Variants in RTN3 observed in about 807,000 individuals in gnomAD.
The protein encoded by RTN3 is reticulon-3.
Under a neutral mutation model 77.8 loss-of-function variants are expected in RTN3, and 49 were observed. The ratio of observed to expected loss-of-function variants is 0.63; its 90% confidence interval spans 0.50 to 0.80. The LOEUF is 0.80. Among genes scored for constraint, RTN3 ranks in the 30% least tolerant of loss-of-function variants. RTN3 has a pLI of 0.00. For missense variants in RTN3, 1,236 were observed against 1,211.9 expected (o/e 1.02, Z -0.29); for synonymous variants, 464 against 446.9 (o/e 1.04, Z -0.48).
chr11:63,713,125 G>T (rs2011212813), intron 2 of RTN3, among the ~76,000 whole-genome samples: 1 of 152,042 alleles, frequency 6.6e-6, no homozygotes, highest in South Asian at 2.1e-4. Flanking sequence ...TTTTATTTGG[G>T]TCTAAAAATT....
chr11:63,753,579 G>A, intron 6 of RTN3, 83 bp from the exon 7 acceptor site: 1 of 1,287,670 alleles, frequency 7.8e-7, no homozygotes, highest in Non-Finnish European at 1.1e-6. Flanking sequence ...ATTTTTTGAG[G>A]AAAAATGTAT....
At chr11:63,707,191 G>T (rs919203349) in intron 2 of RTN3, among the ~76,000 whole-genome samples, 1 of 152,030 alleles carries the variant, frequency 6.6e-6, no homozygotes, top group South Asian at 2.1e-4. Context: ...GAGTCACGTC[G>T]CCAGGCCAAG....
At chr11:63,735,189 CTTG>C (rs1209506744) in intron 3 of RTN3, among the ~76,000 whole-genome samples, 1 of 152,128 alleles carries the variant, frequency 6.6e-6, no homozygotes, top group African/African-American at 2.4e-5. Context: ...AGGGTTTCAT[CTTG>C]TTGCCCAGGC....
At chr11:63,692,948 A>G (rs1352037243) in intron 1 of RTN3, among the ~76,000 whole-genome samples, 1 of 152,148 alleles carries the variant, frequency 6.6e-6, no homozygotes, top group Non-Finnish European at 1.5e-5. Context: ...TGAGAAAGAA[A>G]AAAAGAGAGA....
chr11:63,740,603 T>C (rs931973667), intron 3 of RTN3, among the ~76,000 whole-genome samples: 10 of 151,594 alleles, frequency 6.6e-5, no homozygotes, highest in African/African-American at 2.2e-4. Context: ...GGCCTTTTTT[T>C]TTCTTTTAAT....
intron 2 of RTN3, chr11:63,714,279 A>T: frequency 2.9e-6 from 1 of 345,822 alleles, no homozygotes; most frequent in South Asian, 2.3e-5. Context: ...ACATGTGGGA[A>T]AGCTTGATTG....
At chr11:63,695,753 A>G (rs1243173570) in intron 1 of RTN3, among the ~76,000 whole-genome samples, 1 of 152,224 alleles carries the variant, frequency 6.6e-6, no homozygotes. Flanking sequence ...AAAACTGTCA[A>G]GAGAAGTCTG....
At chr11:63,702,410 GT>G (rs1285973603) in intron 1 of RTN3, among the ~76,000 whole-genome samples, 1 of 151,342 alleles carries the variant, frequency 6.6e-6, no homozygotes, top group Non-Finnish European at 1.5e-5. Context: ...TGCCACCCGG[GT>G]TCAAGTGATT....
rs35837590 is a variant in RTN3, at chr11:63,683,943, C to CTTT, written c.142+2192_142+2194dup. 8.1e-4 allele frequency among the ~76,000 whole-genome samples: 48 copies of CTTT among 58,950 alleles called. 1 individual carries two copies. Among genetic ancestry groups the CTTT allele is most frequent in the Non-Finnish European group, 9.9e-4 (30 of 30,160 alleles). 38.7% of individuals were successfully genotyped at this position (58,950 alleles called of 152,430 possible). A position where few individuals can be genotyped will look rare whatever the true frequency, so the allele number is the denominator to read the frequency against. The stretch of plus-strand genomic sequence containing the variant: ...TATTTCTTTCTCTTTTCTTTTCTTT[C>CTTT]TTTTTTTTTTTTTTTTTTTTTTTTT... On this transcript the variant is annotated intron_variant, in intron 1 of 8. Transcript: ENST00000377819.
At chr11:63,711,401 T>C (rs1474515589) in intron 2 of RTN3, among the ~76,000 whole-genome samples, 1 of 151,714 alleles carries the variant, frequency 6.6e-6, no homozygotes, top group Non-Finnish European at 1.5e-5. Context: ...TTTTGTTATT[T>C]TTTTTTGAGA....
In RTN3 at chr11:63,704,748, A is replaced by G. The variant is rs529166822; in HGVS notation, c.143-103A>G. ...TGAGTTTTCCTCCTTGTTAAACCCA[A>G]TGAAATTATGATGCTTGGCTCTTCC... On this transcript the variant is annotated intron_variant, in intron 1 of 8. Coordinates refer to ENST00000377819, the MANE Select transcript of RTN3 (RefSeq NM_001265589.2). 9.4e-4 allele frequency: 774 copies of G among 820,238 alleles called. No individual in the cohort carries two copies. The highest frequency in any genetic ancestry group is 1.3e-3 in the Non-Finnish European group (657 of 486,862). The allele number at this position is 820,238 out of a possible 1,614,324, so 50.8% of individuals were successfully genotyped here.
chr11:63,681,746 T>C lies in RTN3; in HGVS notation c.110T>C (p.Leu37Pro). 6.2e-7 allele frequency: 1 copy of C among 1,604,974 alleles called. No individual in the cohort carries two copies. Among genetic ancestry groups the C allele is most frequent in the Non-Finnish European group, 8.5e-7 (1 of 1,177,500 alleles). The change falls in exon 1 of 9, where the codon CTG (leucine) becomes CCG (proline). Residue 37 changes from leucine (L) to proline (P), a missense_variant. Transcript: ENST00000377819. The stretch of plus-strand genomic sequence containing the variant: ...GGGAGCCCAGGAGCCTGCCCCGCCC[T>C]GGGGACGAAGAGCTGCAGCTCCTCC... Reference protein sequence around the residue: ...GGGSPGACPALGTKSCSSSCA... With the variant: ...GGGSPGACPAPGTKSCSSSCA...
chr11:63,706,037 C>T (rs890811223), intron 2 of RTN3, among the ~76,000 whole-genome samples: 3 of 152,132 alleles, frequency 2.0e-5, no homozygotes, highest in African/African-American at 7.2e-5. Flanking sequence ...CTTGTGCAAA[C>T]AGTTTGTTGT....
intron 1 of RTN3, among the ~76,000 whole-genome samples, chr11:63,702,297 G>GT (rs953090587): frequency 6.0e-5 from 9 of 149,548 alleles, no homozygotes; most frequent in African/African-American, 1.2e-4. Flanking sequence ...TTTGGTTTTG[G>GT]TTTTTTTTGT....
chr11:63,688,463 C>T (rs1052036466), intron 1 of RTN3, among the ~76,000 whole-genome samples: 1 of 152,104 alleles, frequency 6.6e-6, no homozygotes, highest in South Asian at 2.1e-4. Flanking sequence ...ACCTCATGAT[C>T]CGCCAGCCTT....
At chr11:63,699,316 A>G (rs1198713123) in intron 1 of RTN3, among the ~76,000 whole-genome samples, 1 of 152,036 alleles carries the variant, frequency 6.6e-6, no homozygotes, top group African/African-American at 2.4e-5. Flanking sequence ...AAAAAAAAAA[A>G]AAAGAATTCC....
intron 3 of RTN3, among the ~76,000 whole-genome samples, chr11:63,735,199 A>G (rs2013005822): frequency 6.6e-6 from 1 of 152,144 alleles, no homozygotes; most frequent in African/African-American, 2.4e-5. Context: ...CTTGTTGCCC[A>G]GGCTGGTCTC....
At chr11:63,742,881 G>A (rs1308233853) in intron 3 of RTN3, among the ~76,000 whole-genome samples, 1 of 151,604 alleles carries the variant, frequency 6.6e-6, no homozygotes, top group Non-Finnish European at 1.5e-5. Flanking sequence ...TTGTTTGTTT[G>A]TTTGTTTGTT....
intron 1 of RTN3, 104 bp downstream of exon 1, chr11:63,681,882 C>CT: frequency 8.2e-7 from 1 of 1,218,938 alleles, no homozygotes. Flanking sequence ...TTACCCTCGA[C>CT]TACTGACGGC....
Sources: gnomAD v4.1 joint callset for allele counts (sites outside exome capture counted in the v4.1 genomes callset) on GRCh38, gnomAD v4.1.1 for gene constraint, MANE v1.5 for transcripts, NCBI Gene and HGNC (gene_info 2026-07-23, HGNC 2026-07-21) for gene names.